Variants in DOCK8 observed in about 807,000 individuals in gnomAD.
DOCK8 encodes dedicator of cytokinesis protein 8.
A neutral mutation model predicts 245.6 loss-of-function variants in DOCK8; 141 were observed. The ratio of observed to expected loss-of-function variants is 0.57; its 90% CI spans 0.50 to 0.66. DOCK8 has a LOEUF of 0.66. Among genes scored for constraint, DOCK8 ranks in the 30% least tolerant of loss-of-function variants. The pLI is 0.00. For missense variants in DOCK8, 2,965 were observed against 2,603.4 expected, an observed-to-expected ratio of 1.14 and a Z score of -3.02; for synonymous variants, 1,168 against 970.2, an observed-to-expected ratio of 1.20 and a Z score of -3.79.
chr9:284,176 T>C (rs2048712383), intron 2 of DOCK8, among the ~76,000 whole-genome samples: 1 of 152,168 alleles, frequency 6.6e-6, no homozygotes, highest in African/African-American at 2.4e-5. Context: ...GAGAGTCCTC[T>C]TTATCCTGTG....
chr9:452,150 A>G (rs1193245252), intron 46 of DOCK8, 33 bp downstream of exon 46: 1 of 1,406,308 alleles, frequency 7.1e-7, no homozygotes, highest in Non-Finnish European at 1.0e-6. Context: ...ATTTCAGTAG[A>G]GCAGTGGTTC....
chr9:389,982 C>T (rs1165878488), intron 23 of DOCK8, among the ~76,000 whole-genome samples: 6 of 151,564 alleles, frequency 4.0e-5, no homozygotes, highest in African/African-American at 7.3e-5. Context: ...ATTACGCCAC[C>T]GCATTCCAGC....
chr9:410,516 C>T (rs2055674221), intron 28 of DOCK8, among the ~76,000 whole-genome samples: 1 of 152,118 alleles, frequency 6.6e-6, no homozygotes, highest in Non-Finnish European at 1.5e-5. Context: ...CGTGAACATG[C>T]CTGTGCATGG....
At chr9:403,952 A>ATG (rs2055276474) in intron 26 of DOCK8, among the ~76,000 whole-genome samples, 2 of 78,622 alleles carry the variant, frequency 2.5e-5, no homozygotes, top group African/African-American at 1.7e-4. Flanking sequence ...ATGTGTATAT[A>ATG]TATATATGTA....
chr9:425,092 CAA>C (rs2056430709), intron 33 of DOCK8, among the ~76,000 whole-genome samples: 1 of 152,076 alleles, frequency 6.6e-6, no homozygotes, highest in Non-Finnish European at 1.5e-5. Flanking sequence ...TTAGGATAAA[CAA>C]AATATATTAA....
At chr9:356,745 A>T (rs958453694) in intron 14 of DOCK8, among the ~76,000 whole-genome samples, 1 of 152,136 alleles carries the variant, frequency 6.6e-6, no homozygotes, top group African/African-American at 2.4e-5. Flanking sequence ...AAACCAATTC[A>T]TACTAAGGTG....
At chr9:374,930 G>A (rs896423930) in intron 18 of DOCK8, among the ~76,000 whole-genome samples, 6 of 152,118 alleles carry the variant, frequency 3.9e-5, no homozygotes, top group Non-Finnish European at 8.8e-5. Flanking sequence ...GGTGGCATCT[G>A]TTCACTCTGG....
At chr9:408,785 A>C (rs966870414) in intron 28 of DOCK8, among the ~76,000 whole-genome samples, 2 of 152,204 alleles carry the variant, frequency 1.3e-5, no homozygotes, top group African/African-American at 4.8e-5. Flanking sequence ...TGTTGCTGTT[A>C]TATTACTAGC....
chr9:420,704 C>A, intron 31 of DOCK8, 121 bp downstream of exon 31: 1 of 1,354,388 alleles, frequency 7.4e-7, no homozygotes, highest in South Asian at 1.2e-5. Context: ...TTTCTGTATT[C>A]AAATCCATAA....
At chr9:228,008 G>A (rs1187981623) in intron 1 of DOCK8, among the ~76,000 whole-genome samples, 1 of 152,130 alleles carries the variant, frequency 6.6e-6, no homozygotes, top group Non-Finnish European at 1.5e-5. Flanking sequence ...GAAAACCTCT[G>A]AATTAGCAGT....
At chr9:342,999 A>G (rs2051685145) in intron 14 of DOCK8, among the ~76,000 whole-genome samples, 1 of 152,204 alleles carries the variant, frequency 6.6e-6, no homozygotes, top group Non-Finnish European at 1.5e-5. Context: ...TAAGTTTTCT[A>G]AAATTTTACA....
At chr9:328,828 T>C (rs1265936083) in intron 9 of DOCK8, among the ~76,000 whole-genome samples, 1 of 152,060 alleles carries the variant, frequency 6.6e-6, no homozygotes, top group Non-Finnish European at 1.5e-5. Context: ...GCTATACTCT[T>C]TGCTGTTGTA....
At chr9:392,292 A>G (rs1225841110) in intron 24 of DOCK8, among the ~76,000 whole-genome samples, 1 of 152,192 alleles carries the variant, frequency 6.6e-6, no homozygotes, top group African/African-American at 2.4e-5. Context: ...TGAACCATCC[A>G]CTGGGGAGGA....
chr9:223,810 T>G (rs1242956727), intron 1 of DOCK8, among the ~76,000 whole-genome samples: 1 of 152,064 alleles, frequency 6.6e-6, no homozygotes, highest in Non-Finnish European at 1.5e-5. Flanking sequence ...CAGATAAATG[T>G]GAAGTCCCTG....
At chr9:379,990 C>G in intron 21 of DOCK8, 55 bp downstream of exon 21, 2 of 1,576,248 alleles carry the variant, frequency 1.3e-6, no homozygotes, top group Admixed American at 1.8e-5. Flanking sequence ...CACCTCCACC[C>G]CACTGCAGTG....
At chr9:418,983 G>T (rs2056157900) in intron 30 of DOCK8, among the ~76,000 whole-genome samples, 1 of 152,168 alleles carries the variant, frequency 6.6e-6, no homozygotes, top group Admixed American at 6.5e-5. Context: ...AAGGAGGGTT[G>T]TTTGGCTCTG....
chr9:289,868 G>C (rs543840630), intron 4 of DOCK8, among the ~76,000 whole-genome samples: 1 of 152,064 alleles, frequency 6.6e-6, no homozygotes, highest in African/African-American at 2.4e-5. Context: ...TTTTTGTGTT[G>C]TATATTCTAT....
chr9:453,024 G>A (rs2057516384), intron 46 of DOCK8: 1 of 152,232 alleles, frequency 6.6e-6, no homozygotes, highest in African/African-American at 2.4e-5. Flanking sequence ...AGAATATTAA[G>A]TATAAGAATA....
At chr9:310,787 G>A (rs2050073276) in intron 5 of DOCK8, among the ~76,000 whole-genome samples, 1 of 152,162 alleles carries the variant, frequency 6.6e-6, no homozygotes, top group South Asian at 2.1e-4. Flanking sequence ...GAAGCTAGAT[G>A]TGCACTTTAA....
Sources: gnomAD v4.1 joint callset for allele counts (sites outside exome capture counted in the v4.1 genomes callset) on GRCh38, gnomAD v4.1.1 for gene constraint, MANE v1.5 for transcripts, NCBI Gene and HGNC (gene_info 2026-07-23, HGNC 2026-07-21) for gene names.